ABHD2: variants seen among roughly 807,000 people sequenced by gnomAD.
The protein encoded by ABHD2 is abhydrolase domain containing 2, acylglycerol lipase, also known as monoacylglycerol lipase ABHD2.
In ABHD2, 20 loss-of-function variants were observed where a neutral mutation model predicts 48.1. The observed-to-expected ratio is 0.42, with a 90% confidence interval of 0.29 to 0.60. The LOEUF (loss-of-function observed/expected upper bound fraction) is 0.60, where lower values mean the gene tolerates loss of function less well. Ranked by LOEUF, ABHD2 falls within the 20% of genes least tolerant of loss-of-function variation. The pLI is 0.24. For synonymous variants in ABHD2, 209 were observed against 214.2 expected, an observed-to-expected ratio of 0.98 and a Z score of 0.21; for missense variants, 405 against 550.9, an observed-to-expected ratio of 0.74 and a Z score of 2.65.
rs368013427 is a variant in ABHD2, at chr15:89,169,282, A to G, written c.539-6530A>G. On this transcript the variant is annotated intron_variant, in intron 5 of 10. Coordinates refer to ENST00000352732, the MANE Select transcript of ABHD2 (RefSeq NM_152924.5). ...ACTTTGAGTAGACACGGTCATGAGTAGACATGGCCCTACTCATTATGTGAG... is the reference window on the plus strand; with the variant it reads ...ACTTTGAGTAGACACGGTCATGAGTGGACATGGCCCTACTCATTATGTGAG... Among the ~76,000 whole-genome samples, 11 of 152,282 alleles carry G rather than the reference A, an allele frequency of 7.2e-5. No individual in the cohort carries two copies. In the East Asian group the frequency reaches 1.7e-3, roughly 24 times the overall value.
At chr15:89,143,849 G>A (rs775803702) in intron 3 of ABHD2, among the ~76,000 whole-genome samples, 1 of 151,910 alleles carries the variant, frequency 6.6e-6, no homozygotes, top group African/African-American at 2.4e-5. Flanking sequence ...CACTAGGATA[G>A]CTATAGTAAT....
intron 3 of ABHD2, among the ~76,000 whole-genome samples, chr15:89,138,866 C>CT (rs10709478): frequency 1.0e-4 from 15 of 147,500 alleles, no homozygotes; most frequent in East Asian, 1.0e-3. Flanking sequence ...TTTTTTTTTT[C>CT]TTTTTTTTTC....
At chr15:89,070,841 A>T in the ABHD2 span, among the ~76,000 whole-genome samples, 1 of 152,066 alleles carries the variant, frequency 6.6e-6, no homozygotes, top group Non-Finnish European at 1.5e-5. Context: ...GAATATTTCT[A>T]GATTAGGTCT....
upstream of ABHD2, among the ~76,000 whole-genome samples, chr15:89,086,562 G>A (rs541247267): frequency 9.2e-5 from 14 of 152,248 alleles, no homozygotes; most frequent in East Asian, 1.9e-3. Context: ...CTACAGGCAT[G>A]CACCACCACA....
intron 3 of ABHD2, among the ~76,000 whole-genome samples, chr15:89,148,499 G>A (rs1347991092): frequency 1.3e-5 from 2 of 152,186 alleles, no homozygotes; most frequent in Non-Finnish European, 2.9e-5. Flanking sequence ...GTTATTGGTG[G>A]GAATGTAAAT....
At chr15:89,118,945 C>G (rs968758163) in intron 3 of ABHD2, among the ~76,000 whole-genome samples, 2 of 152,182 alleles carry the variant, frequency 1.3e-5, no homozygotes, top group African/African-American at 4.8e-5. Context: ...CCCACCTCCT[C>G]CTATGGAAGT....
chr15:89,130,606 G>A (rs973573968), intron 3 of ABHD2, among the ~76,000 whole-genome samples: 1 of 152,092 alleles, frequency 6.6e-6, no homozygotes, highest in Non-Finnish European at 1.5e-5. Flanking sequence ...AAAAGAAACA[G>A]AACAATAACA....
chr15:89,082,153 G>T, the ABHD2 span, among the ~76,000 whole-genome samples: 9 of 151,940 alleles, frequency 5.9e-5, no homozygotes, highest in African/African-American at 1.9e-4. The surrounding 1 kb of genome is among the most constrained non-coding windows in gnomAD (Gnocchi z 4.4). Flanking sequence ...ACTGCCCCCA[G>T]TTGAGAACCA....
At chr15:89,128,547 TTTGA>T (rs1427256619) in intron 3 of ABHD2, among the ~76,000 whole-genome samples, 1 of 152,220 alleles carries the variant, frequency 6.6e-6, no homozygotes, top group Non-Finnish European at 1.5e-5. Context: ...TTGGCTAGAC[TTTGA>T]TTGTCTCTCT....
rs139390387 is a variant in ABHD2 at position 89,163,543 on chromosome 15, G to A, written c.538+8009G>A. On this transcript the variant is annotated intron_variant, in intron 5 of 10. Coordinates refer to ENST00000352732, the MANE Select transcript of ABHD2 (RefSeq NM_152924.5). ...TTAGGGAGGTTAAGTACCTTGACCT[G>A]AGTCATGTGACTAGTGAGTGGCAGA... 3.1e-3 allele frequency among the ~76,000 whole-genome samples: 472 copies of A among 152,340 alleles called. 2 individuals carry two copies. Among genetic ancestry groups the A allele is most frequent in the African/African-American group, 0.011 (447 of 41,570 alleles).
chr15:89,159,704 T>G (rs953759737), intron 5 of ABHD2, among the ~76,000 whole-genome samples: 3 of 152,190 alleles, frequency 2.0e-5, no homozygotes, highest in Admixed American at 2.0e-4. Context: ...CCCTTGGAGA[T>G]GAGGTGAATC....
At chr15:89,069,400 TTA>T in the ABHD2 span, among the ~76,000 whole-genome samples, 1 of 152,062 alleles carries the variant, frequency 6.6e-6, no homozygotes, top group African/African-American at 2.4e-5. Context: ...GTAACTGGGA[TTA>T]CAGGCATAAT....
At position 89,100,165 on chromosome 15, in the gene ABHD2, C is replaced by T. The variant is rs188568622; in HGVS notation, c.-107+11602C>T. Among the ~76,000 whole-genome samples the T allele has an allele frequency of 2.2e-4, 34 of 152,302 alleles. No individual in the cohort carries two copies. The highest frequency in any genetic ancestry group is 4.1e-4 in the South Asian group (2 of 4,830). On this transcript the variant is annotated intron_variant, in intron 1 of 10. Coordinates refer to ENST00000352732, the MANE Select transcript of ABHD2 (RefSeq NM_152924.5). This position sits in a 1 kb window ranked among gnomAD's most constrained non-coding sequence, Gnocchi z 4.4. The stretch of plus-strand genomic sequence containing the variant: ...CACAGGCAAGTCAAGACCAGACTAA[C>T]CAGGCTTGAGGACCCAGACATTTGG...
chr15:89,192,661 C>T (rs1250626604), intron 9 of ABHD2, among the ~76,000 whole-genome samples: 1 of 152,138 alleles, frequency 6.6e-6, no homozygotes, highest in Admixed American at 6.5e-5. Flanking sequence ...AGGCATAAGC[C>T]ATAAGCCTGA....
chr15:89,193,508 C>G (rs1013935039), intron 10 of ABHD2, 189 bp downstream of exon 10: 1 of 604,630 alleles, frequency 1.7e-6, no homozygotes, highest in African/African-American at 1.8e-5. Flanking sequence ...CATCAGGCCT[C>G]CCTCGTGTTC....
At chr15:89,194,258 G>A (rs1230098025) in intron 10 of ABHD2, among the ~76,000 whole-genome samples, 1 of 151,978 alleles carries the variant, frequency 6.6e-6, no homozygotes, top group Non-Finnish European at 1.5e-5. Context: ...CAGCACTTTG[G>A]GAGGCCGAGG....
rs548159436 is a variant in ABHD2, at chr15:89,122,176, A to G, written c.194+5655A>G. Among the ~76,000 whole-genome samples, 4 of 151,554 alleles carry G rather than the reference A, an allele frequency of 2.6e-5. No individual in the cohort carries two copies. The East Asian group carries it at 7.8e-4, about 30-fold the overall frequency. ...ATACTATTCTCTAACTTGCCGCCCT[A>G]CTCCTCTTTAGCCAGAATGAGCCCT... is the stretch of plus-strand genomic sequence containing the variant. On this transcript the variant is annotated intron_variant, in intron 3 of 10. Transcript: ENST00000352732.
the ABHD2 span, among the ~76,000 whole-genome samples, chr15:89,066,367 C>A: frequency 6.6e-6 from 1 of 152,142 alleles, no homozygotes; most frequent in Non-Finnish European, 1.5e-5. Context: ...GCACTTGGCC[C>A]TCTTCCCTGT....
At chr15:89,050,650 G>T in the ABHD2 span, among the ~76,000 whole-genome samples, 1 of 152,198 alleles carries the variant, frequency 6.6e-6, no homozygotes, top group African/African-American at 2.4e-5. Context: ...GAACCCATCT[G>T]CTGGGATGGG....
Sources: gnomAD v4.1 joint callset for allele counts (sites outside exome capture counted in the v4.1 genomes callset) on GRCh38, gnomAD v4.1.1 for gene constraint, Gnocchi (gnomAD v3.1) non-coding constraint, MANE v1.5 for transcripts, NCBI Gene and HGNC (gene_info 2026-07-23, HGNC 2026-07-21) for gene names.